The following SLC7A6 variants were observed in gnomAD, a reference collection of about 807,000 sequenced individuals.
SLC7A6 encodes the protein solute carrier family 7 member 6, also known as Y+L amino acid transporter 2.
In SLC7A6, 29 loss-of-function variants were observed where a neutral mutation model predicts 46.6. That is an observed-to-expected ratio of 0.62 (90% CI 0.46 to 0.85). The LOEUF (loss-of-function observed/expected upper bound fraction) is 0.85, where lower values mean the gene tolerates loss of function less well. SLC7A6 is among the 40% of genes least tolerant of loss of function. The pLI, the probability that SLC7A6 is intolerant of heterozygous loss-of-function variation, is 0.00. For missense variants in SLC7A6, 527 were observed against 647.6 expected, an observed-to-expected ratio of 0.81 and a Z score of 2.02; for synonymous variants, 276 against 257.3, an observed-to-expected ratio of 1.07 and a Z score of -0.70.
intron 3 of SLC7A6, among the ~76,000 whole-genome samples, chr16:68,286,627 T>A (rs531987608): frequency 1.3e-5 from 2 of 152,346 alleles, no homozygotes; most frequent in East Asian, 3.9e-4. Context: ...GATATTGCTC[T>A]TATGTCGTCC....
intron 3 of SLC7A6, among the ~76,000 whole-genome samples, chr16:68,279,629 C>A (rs1226624126): frequency 6.6e-6 from 1 of 152,236 alleles, no homozygotes; most frequent in African/African-American, 2.4e-5. Context: ...ACCTCCACCT[C>A]CCAGGTTCAA....
chr16:68,271,613 G>A (rs755804677), intron 2 of SLC7A6, among the ~76,000 whole-genome samples: 3 of 152,156 alleles, frequency 2.0e-5, no homozygotes, highest in Non-Finnish European at 2.9e-5. Flanking sequence ...CCAAGGTGAA[G>A]TTTAGATATG....
chr16:68,270,455 T>C (rs1334634840), intron 2 of SLC7A6, among the ~76,000 whole-genome samples: 1 of 152,174 alleles, frequency 6.6e-6, no homozygotes, highest in African/African-American at 2.4e-5. Flanking sequence ...TTGGCCTTTG[T>C]ATTTTCCCTC....
In SLC7A6 at chr16:68,299,772, A is replaced by G. The variant is rs1367337629; in HGVS notation, c.*2444A>G. The G allele has an allele frequency of 6.6e-6, 1 of 152,222 alleles. No homozygotes were observed. Among genetic ancestry groups the G allele is most frequent in the Non-Finnish European group, 1.5e-5 (1 of 68,042 alleles). 9.4% of individuals were successfully genotyped at this position (152,222 alleles called of 1,614,324 possible). A position where few individuals can be genotyped will look rare whatever the true frequency, so the allele number is the denominator to read the frequency against. ...GCAAGATGTCTAATATTAGACATAC[A>G]AGTTGCTGCCTGTTATAACGGTGAA... On this transcript the variant is annotated 3_prime_UTR_variant, in exon 11 of 11. Coordinates refer to ENST00000219343, the MANE Select transcript of SLC7A6 (RefSeq NM_003983.6).
intron 3 of SLC7A6, 112 bp downstream of exon 3, chr16:68,275,361 T>A: frequency 7.4e-7 from 1 of 1,357,658 alleles, no homozygotes; most frequent in Non-Finnish European, 1.0e-6. Flanking sequence ...TTTGGGAGGC[T>A]GAGGCGGGCG....
Position 68,296,678 on chromosome 16 carries a change from A to G in SLC7A6, c.1321A>G (p.Ile441Val). The change falls in exon 10 of 11, where the codon ATA becomes GTA. Residue 441 changes from isoleucine to valine, a missense_variant. Coordinates refer to ENST00000219343, the MANE Select transcript of SLC7A6 (RefSeq NM_003983.6). Reference protein sequence around the residue: ...VFCICSVFLVIVPLFTDTINS... With the variant: ...VFCICSVFLVVVPLFTDTINS... ...CTGCATATGCTCCGTGTTTCTGGTG[A>G]TAGTGCCCCTCTTCACTGACACCAT... 1 of 1,614,118 alleles carries G rather than the reference A, an allele frequency of 6.2e-7. No individual in the cohort carries two copies.
intron 3 of SLC7A6, among the ~76,000 whole-genome samples, chr16:68,277,735 C>G (rs568557635): frequency 1.7e-4 from 26 of 152,228 alleles, no homozygotes; most frequent in Non-Finnish European, 3.5e-4. Flanking sequence ...TCAAGCGATT[C>G]TCCTGACTCA....
chr16:68,296,736 C>T lies in SLC7A6; in HGVS notation c.1379C>T (p.Ser460Phe). Residue 460 changes from serine (S) to phenylalanine (F), a missense_variant, in exon 10 of 11, where the codon TCT becomes TTT. Ser to Phe is a radical substitution (Grantham distance 155). Transcript: ENST00000219343. ...CTCATTGGCATCGGGATTGCCCTTT[C>T]TGGAGTCCCTTTCTACTTCATGGGT... Reference protein sequence around the residue: ...NSLIGIGIALSGVPFYFMGVY... With the variant: ...NSLIGIGIALFGVPFYFMGVY... 1 of 1,614,210 alleles carries T rather than the reference C, an allele frequency of 6.2e-7. No homozygotes were observed. The highest frequency in any genetic ancestry group is 8.5e-7 in the Non-Finnish European group (1 of 1,180,040).
intron 2 of SLC7A6, among the ~76,000 whole-genome samples, chr16:68,267,154 C>T (rs1285602463): frequency 1.3e-5 from 2 of 149,482 alleles, no homozygotes; most frequent in East Asian, 3.9e-4. Flanking sequence ...AGGCTGGTCA[C>T]GAACTCCTGA....
At position 68,299,464 on chromosome 16, in the gene SLC7A6, T is replaced by G. The variant is rs1229798805; in HGVS notation, c.*2136T>G. Reference sequence around the variant, plus strand: ...CAGACTTCTCCCAGGATCCTCTCTTTGGGAGCGAAGCCAGAGGATCCCTAC... The same window carrying G: ...CAGACTTCTCCCAGGATCCTCTCTTGGGGAGCGAAGCCAGAGGATCCCTAC... On this transcript the variant is annotated 3_prime_UTR_variant, in exon 11 of 11. Transcript: ENST00000219343. 2 of 152,628 alleles carry G rather than the reference T, an allele frequency of 1.3e-5. No homozygotes were observed. Among genetic ancestry groups the G allele is most frequent in the Non-Finnish European group, 2.9e-5 (2 of 68,034 alleles). The allele number at this position is 152,628 out of a possible 1,614,324, so 9.5% of individuals were successfully genotyped here. A position where few individuals can be genotyped will look rare whatever the true frequency, so the allele number is the denominator to read the frequency against.
At chr16:68,281,486 T>C (rs1013280204) in intron 3 of SLC7A6, among the ~76,000 whole-genome samples, 7 of 152,212 alleles carry the variant, frequency 4.6e-5, no homozygotes, top group Non-Finnish European at 1.0e-4. Flanking sequence ...AGTGCTGAGG[T>C]TGAGAAACTC....
At chr16:68,286,959 T>C (rs963413995) in intron 3 of SLC7A6, among the ~76,000 whole-genome samples, 1 of 152,022 alleles carries the variant, frequency 6.6e-6, no homozygotes, top group East Asian at 1.9e-4. Flanking sequence ...GTATGTGAAA[T>C]TGTCAGGCAT....
intron 7 of SLC7A6, chr16:68,292,798 C>T (rs528077322): frequency 4.6e-5 from 7 of 152,316 alleles, no homozygotes; most frequent in African/African-American, 1.7e-4. Flanking sequence ...TGTCTTTAGT[C>T]CTCATCCTAT....
In SLC7A6 at chr16:68,298,239, C is replaced by CT. The variant is rs1380291455; in HGVS notation, c.*912dup. 5.2e-5 allele frequency: 8 copies of CT among 152,478 alleles called. No homozygotes were observed. Among genetic ancestry groups the CT allele is most frequent in the African/African-American group, 1.9e-4 (8 of 41,420 alleles). The allele number at this position is 152,478 out of a possible 1,614,324, so 9.4% of individuals were successfully genotyped here. ...ATCTTTGTTCTAGCTGACAGTAAATCTCTGGGTTTCTGTTACGAACTCTAA... is the reference window on the plus strand; with the variant it reads ...ATCTTTGTTCTAGCTGACAGTAAATCTTCTGGGTTTCTGTTACGAACTCTAA... On this transcript the variant is annotated 3_prime_UTR_variant, in exon 11 of 11. Coordinates refer to ENST00000219343, the MANE Select transcript of SLC7A6 (RefSeq NM_003983.6).
intron 3 of SLC7A6, among the ~76,000 whole-genome samples, chr16:68,279,673 G>A (rs1399244002): frequency 6.6e-6 from 1 of 152,132 alleles, no homozygotes; most frequent in Non-Finnish European, 1.5e-5. Context: ...CAAGTAGCTG[G>A]GATTACAGGT....
intron 4 of SLC7A6, among the ~76,000 whole-genome samples, chr16:68,289,809 G>A (rs2043011282): frequency 6.6e-6 from 1 of 152,174 alleles, no homozygotes; most frequent in Non-Finnish European, 1.5e-5. Flanking sequence ...TCTATAGCAT[G>A]TCATCTCCCC....
intron 4 of SLC7A6, 189 bp from the exon 5 acceptor site, chr16:68,290,207 G>GT (rs1351747211): frequency 2.8e-3 from 1,650 of 582,468 alleles, no homozygotes; most frequent in South Asian, 3.6e-3. Flanking sequence ...GTTAAATTAT[G>GT]TTTTTTTTTC....
chr16:68,275,741 G>T (rs2042701277), intron 3 of SLC7A6, among the ~76,000 whole-genome samples: 1 of 152,124 alleles, frequency 6.6e-6, no homozygotes, highest in Non-Finnish European at 1.5e-5. Flanking sequence ...GGATGGGGAT[G>T]GGAGAAGTTT....
In SLC7A6 at chr16:68,275,327, G is replaced by A. The variant is rs2042691339; in HGVS notation, c.523+78G>A. 6.5e-6 allele frequency: 10 copies of A among 1,533,936 alleles called. 2 individuals are homozygous for A. The South Asian group carries it at 1.2e-4, about 19-fold the overall frequency. ...AACGGTACTTTAGGCCGGGCGCGGT[G>A]GCTCATGCCTATAATCCCAGCACTT... is the stretch of plus-strand genomic sequence containing the variant. On this transcript the variant is annotated intron_variant, in intron 3 of 10. Coordinates refer to ENST00000219343, the MANE Select transcript of SLC7A6 (RefSeq NM_003983.6).
Sources: gnomAD v4.1 joint callset for allele counts (sites outside exome capture counted in the v4.1 genomes callset) on GRCh38, gnomAD v4.1.1 for gene constraint, MANE v1.5 for transcripts, NCBI Gene and HGNC (gene_info 2026-07-23, HGNC 2026-07-21) for gene names.